Variants in TTC17 observed in about 807,000 individuals in gnomAD.
TTC17 encodes tetratricopeptide repeat protein 17.
A neutral mutation model predicts 143.8 loss-of-function variants in TTC17; 58 were observed. That is an observed-to-expected ratio of 0.40 (90% CI 0.33 to 0.50). The LOEUF (loss-of-function observed/expected upper bound fraction) is 0.50, where lower values mean the gene tolerates loss of function less well. Ranked by LOEUF, TTC17 falls within the 20% of genes least tolerant of loss-of-function variation. TTC17 has a pLI of 0.49. For missense variants in TTC17, 1,273 were observed against 1,392.5 expected, an observed-to-expected ratio of 0.91 and a Z score of 1.37; for synonymous variants, 501 against 497.8, an observed-to-expected ratio of 1.01 and a Z score of -0.09.
intron 13 of TTC17, among the ~76,000 whole-genome samples, chr11:43,406,429 C>T (rs1047906715): frequency 1.3e-5 from 2 of 151,992 alleles, no homozygotes; most frequent in African/African-American, 2.4e-5. Context: ...TTCAATTATG[C>T]TCTTTTCCTA....
At chr11:43,374,749 CAAA>C (rs77640352) in intron 1 of TTC17, among the ~76,000 whole-genome samples, 26 of 112,988 alleles carry the variant, frequency 2.3e-4, no homozygotes, top group Admixed American at 9.0e-5. Context: ...TTAAAAAGAC[CAAA>C]AAAAAAAAAA....
At chr11:43,381,020 C>CT (rs1296961620) in intron 2 of TTC17, among the ~76,000 whole-genome samples, 1 of 151,764 alleles carries the variant, frequency 6.6e-6, no homozygotes, top group African/African-American at 2.4e-5. Context: ...TTATTGCTAT[C>CT]TTTTTAGGGA....
chr11:43,473,896 A>AG (rs1948136599), intron 21 of TTC17, among the ~76,000 whole-genome samples: 1 of 151,748 alleles, frequency 6.6e-6, no homozygotes, highest in South Asian at 2.1e-4. Context: ...AAAAAAAAAA[A>AG]AAAGAAAGAA....
chr11:43,447,190 T>TA (rs1175212814), intron 18 of TTC17, among the ~76,000 whole-genome samples: 2 of 151,562 alleles, frequency 1.3e-5, no homozygotes, highest in African/African-American at 4.9e-5. Flanking sequence ...GTCTCTAACT[T>TA]AAAAAAAGAA....
intron 17 of TTC17, 126 bp downstream of exon 17, chr11:43,443,710 C>A: frequency 1.6e-6 from 2 of 1,234,582 alleles, no homozygotes; most frequent in Non-Finnish European, 1.1e-6. Flanking sequence ...GGACAGCCTT[C>A]ACATTGGAAT....
chr11:43,412,114 T>C (rs1037441606), intron 15 of TTC17, among the ~76,000 whole-genome samples: 2 of 152,204 alleles, frequency 1.3e-5, no homozygotes, highest in African/African-American at 2.4e-5. Flanking sequence ...CTGAATACTT[T>C]GGGCTGCTTA....
At chr11:43,400,321 A>G (rs1047976159) in intron 9 of TTC17, among the ~76,000 whole-genome samples, 2 of 152,182 alleles carry the variant, frequency 1.3e-5, no homozygotes, top group African/African-American at 2.4e-5. Context: ...TGTGTTCAAC[A>G]TCAGTTTTTT....
At chr11:43,366,306 A>G (rs1418330628) in intron 1 of TTC17, among the ~76,000 whole-genome samples, 2 of 151,986 alleles carry the variant, frequency 1.3e-5, no homozygotes, top group African/African-American at 4.8e-5. Flanking sequence ...AAATTTTGAA[A>G]CCATCCTGGG....
chr11:43,399,853 G>T, intron 8 of TTC17, 35 bp from the exon 9 acceptor site: 1 of 1,569,430 alleles, frequency 6.4e-7, no homozygotes, highest in Non-Finnish European at 8.6e-7. Flanking sequence ...TGATTTTATA[G>T]CTCTAACTTT....
At chr11:43,466,555 C>T (rs528972220) in intron 21 of TTC17, 6 of 237,774 alleles carry the variant, frequency 2.5e-5, no homozygotes, top group East Asian at 1.1e-4. Flanking sequence ...AGAATTATTC[C>T]GGAGTTTATA....
At chr11:43,430,015 A>G (rs1947117893) in intron 16 of TTC17, among the ~76,000 whole-genome samples, 1 of 152,186 alleles carries the variant, frequency 6.6e-6, no homozygotes, top group Non-Finnish European at 1.5e-5. Context: ...TCCTATTACA[A>G]ATCAGTTTAT....
chr11:43,470,260 A>T (rs1422524821), intron 21 of TTC17, among the ~76,000 whole-genome samples: 1 of 152,220 alleles, frequency 6.6e-6, no homozygotes, highest in Non-Finnish European at 1.5e-5. Flanking sequence ...GTGAGCCCTC[A>T]CATAGTTCGC....
chr11:43,478,480 G>C (rs1445033127), intron 21 of TTC17, among the ~76,000 whole-genome samples: 1 of 152,194 alleles, frequency 6.6e-6, no homozygotes, highest in East Asian at 1.9e-4. Flanking sequence ...CCATGAAATT[G>C]TATGAAATCT....
At chr11:43,390,858 AGAGACTGTCAGTG>A (rs1290519951) in intron 3 of TTC17, among the ~76,000 whole-genome samples, 1 of 152,146 alleles carries the variant, frequency 6.6e-6, no homozygotes, top group African/African-American at 2.4e-5. Flanking sequence ...AAAAATGTAG[AGAGACTGTCAGTG>A]GAAGTATAAA....
intron 21 of TTC17, among the ~76,000 whole-genome samples, chr11:43,461,294 G>A (rs1947860790): frequency 6.8e-6 from 1 of 147,136 alleles, no homozygotes; most frequent in Non-Finnish European, 1.5e-5. Context: ...TGAGGCAGGA[G>A]AATGGCGTGA....
At chr11:43,445,711 A>G (rs1410624394) in intron 18 of TTC17, among the ~76,000 whole-genome samples, 2 of 152,212 alleles carry the variant, frequency 1.3e-5, no homozygotes, top group East Asian at 3.9e-4. Context: ...CATAGAGGAC[A>G]GAAATACTAG....
chr11:43,404,861 A>G (rs1303313935), intron 11 of TTC17, among the ~76,000 whole-genome samples: 1 of 152,172 alleles, frequency 6.6e-6, no homozygotes, highest in Non-Finnish European at 1.5e-5. Flanking sequence ...TCATAAAACA[A>G]TTGTTAAACT....
intron 1 of TTC17, among the ~76,000 whole-genome samples, chr11:43,372,907 A>G (rs1411839149): frequency 2.0e-5 from 3 of 152,210 alleles, no homozygotes; most frequent in Non-Finnish European, 4.4e-5. Flanking sequence ...ATATTGACAT[A>G]GGTCTGTATT....
At chr11:43,401,153 T>C (rs1210813608) in intron 9 of TTC17, among the ~76,000 whole-genome samples, 1 of 152,208 alleles carries the variant, frequency 6.6e-6, no homozygotes, top group Non-Finnish European at 1.5e-5. Flanking sequence ...CCAAAGTCTC[T>C]TAAAACGATG....
Sources: allele counts gnomAD v4.1 joint callset (sites outside exome capture counted in the v4.1 genomes callset), GRCh38; gene constraint gnomAD v4.1.1; transcripts MANE v1.5; gene names NCBI Gene and HGNC (gene_info 2026-07-23, HGNC 2026-07-21).